The following EPHX2 variants were observed in gnomAD, a reference collection of about 807,000 sequenced individuals.
EPHX2 encodes the protein bifunctional epoxide hydrolase 2.
Under a neutral mutation model 78.7 loss-of-function variants are expected in EPHX2, and 74 were observed. The observed-to-expected ratio is 0.94, with a 90% CI of 0.78 to 1.14. EPHX2 has a LOEUF of 1.14. Among genes scored for constraint, EPHX2 ranks in the 50% most tolerant of loss-of-function variants. EPHX2 has a pLI of 0.00. For synonymous variants in EPHX2, 251 were observed against 255.2 expected (o/e 0.98, Z 0.16); for missense variants, 715 against 702.5 (o/e 1.02, Z -0.20).
chr8:27,508,395 T>A (rs931544789), intron 5 of EPHX2, among the ~76,000 whole-genome samples: 1 of 152,230 alleles, frequency 6.6e-6, no homozygotes, highest in African/African-American at 2.4e-5. Flanking sequence ...ACTGATTTTT[T>A]TGTCTTTAGT....
At chr8:27,498,449 A>C (rs1235562702) in intron 1 of EPHX2, among the ~76,000 whole-genome samples, 1 of 151,704 alleles carries the variant, frequency 6.6e-6, no homozygotes, top group Non-Finnish European at 1.5e-5. Context: ...CTTGTTTTAT[A>C]GATTCAGTGG....
intron 10 of EPHX2, among the ~76,000 whole-genome samples, chr8:27,521,470 A>C (rs941518717): frequency 6.6e-6 from 1 of 152,182 alleles, no homozygotes; most frequent in Non-Finnish European, 1.5e-5. Context: ...GAACAGCAGC[A>C]GTGGAGGACA....
At chr8:27,541,064 C>T (rs1203649725) in intron 15 of EPHX2, among the ~76,000 whole-genome samples, 2 of 152,196 alleles carry the variant, frequency 1.3e-5, no homozygotes, top group Non-Finnish European at 2.9e-5. Flanking sequence ...CTTTGCTCCA[C>T]CTCCCAATGT....
intron 1 of EPHX2, among the ~76,000 whole-genome samples, chr8:27,494,517 T>G (rs1184008332): frequency 6.6e-6 from 1 of 152,234 alleles, no homozygotes; most frequent in Non-Finnish European, 1.5e-5. Context: ...GGACAAGGCT[T>G]CATCCAATTT....
chr8:27,531,365 T>G (rs954040112), intron 12 of EPHX2, among the ~76,000 whole-genome samples: 1 of 152,162 alleles, frequency 6.6e-6, no homozygotes, highest in Non-Finnish European at 1.5e-5. Context: ...GCCTTCTAAG[T>G]CTTTGCTGTC....
At chr8:27,541,634 G>A in intron 16 of EPHX2, 92 bp downstream of exon 16, 4 of 1,380,716 alleles carry the variant, frequency 2.9e-6, no homozygotes, top group South Asian at 1.2e-5. Flanking sequence ...CTGGGCCAGA[G>A]CTGGTTGTGG....
At chr8:27,520,718 A>G (rs1295563795) in intron 9 of EPHX2, among the ~76,000 whole-genome samples, 165 bp from the exon 10 acceptor site, 2 of 152,022 alleles carry the variant, frequency 1.3e-5, no homozygotes, top group Non-Finnish European at 2.9e-5. Context: ...TTTTACCTTA[A>G]TCATCTCCTT....
chr8:27,503,683 A>G lies in EPHX2; in HGVS notation c.266A>G (p.Lys89Arg), dbSNP rs146918355. Residue 89 changes from lysine to arginine, a missense_variant, in exon 3 of 19, where the codon AAA (lysine) becomes AGA (arginine). By Grantham distance (26) the Lys-to-Arg change is conservative. Coordinates refer to ENST00000521400, the MANE Select transcript of EPHX2 (RefSeq NM_001979.6). The stretch of plus-strand genomic sequence containing the variant: ...TGCCTCCCCAAGAATTTCTCCATAA[A>G]AGAAATCTTTGACAAGGCGATTTCA... ...KVCLPKNFSI[K>R]EIFDKAISAR... The G allele has an allele frequency of 6.7e-4, 1,082 of 1,614,044 alleles. 15 individuals are homozygous for G. In the African/African-American group the frequency reaches 0.013, roughly 19 times the overall value.
chr8:27,533,527 C>G (rs1320084221), intron 12 of EPHX2, among the ~76,000 whole-genome samples: 1 of 152,198 alleles, frequency 6.6e-6, no homozygotes, highest in East Asian at 1.9e-4. Flanking sequence ...CAGCTTCATC[C>G]TATTCTTTCT....
intron 2 of EPHX2, 88 bp downstream of exon 2, chr8:27,501,098 GAAAACACCCACCTTTTCTGTGAAGAC>G: frequency 9.0e-7 from 1 of 1,106,914 alleles, no homozygotes; most frequent in Non-Finnish European, 1.3e-6. Context: ...CACCATAATA[GAAAACACCCACCTTTTCTGTGAAGAC>G]AAATGTTGTT....
chr8:27,525,508 T>G lies in EPHX2; in HGVS notation c.1170+35T>G, dbSNP rs767913812. The G allele has an allele frequency of 1.9e-6, 3 of 1,543,308 alleles. No homozygotes were observed. In the East Asian group the frequency reaches 6.7e-5, roughly 35 times the overall value. On this transcript the variant is annotated intron_variant, in intron 12 of 18. Coordinates refer to ENST00000521400, the MANE Select transcript of EPHX2 (RefSeq NM_001979.6). ...GCACCAAGGGCAACAATGGGAGCATTAGTGTTTGCCTTTCCCCTTCCTGTC... is the reference window on the plus strand; with the variant it reads ...GCACCAAGGGCAACAATGGGAGCATGAGTGTTTGCCTTTCCCCTTCCTGTC...
chr8:27,508,400 T>C (rs1298528577), intron 5 of EPHX2, among the ~76,000 whole-genome samples: 1 of 152,212 alleles, frequency 6.6e-6, no homozygotes, highest in East Asian at 1.9e-4. Context: ...TTTTTTTGTC[T>C]TTAGTGAATA....
Position 27,504,767 on chromosome 8 carries a change from T to C in EPHX2, c.347-189T>C, listed in dbSNP as rs554546069. 1.1e-4 allele frequency among the ~76,000 whole-genome samples: 17 copies of C among 152,326 alleles called. No homozygotes were observed. In the South Asian group the frequency reaches 1.4e-3, roughly 13 times the overall value. On this transcript the variant is annotated intron_variant, in intron 3 of 18. Coordinates refer to ENST00000521400, the MANE Select transcript of EPHX2 (RefSeq NM_001979.6). ...CTTGAATGAACCCAGCTCATGCTTG[T>C]GTCTGTGTCAGAGGTGTTCATGGGT...
chr8:27,514,439 C>G (rs767577840), intron 6 of EPHX2, among the ~76,000 whole-genome samples: 1 of 152,156 alleles, frequency 6.6e-6, no homozygotes, highest in African/African-American at 2.4e-5. Context: ...CCTTTAGGAT[C>G]GTGGAGATAT....
At chr8:27,525,907 T>C (rs916631756) in intron 12 of EPHX2, among the ~76,000 whole-genome samples, 2 of 152,132 alleles carry the variant, frequency 1.3e-5, no homozygotes, top group Non-Finnish European at 2.9e-5. Context: ...AAAGATGCCT[T>C]TCAAAGATGC....
chr8:27,494,557 T>C (rs1016950237), intron 1 of EPHX2, among the ~76,000 whole-genome samples: 3 of 152,214 alleles, frequency 2.0e-5, no homozygotes, highest in African/African-American at 7.2e-5. Context: ...CCAACAAGTA[T>C]TGAAATCCCC....
At chr8:27,543,357 C>T (rs1815470470) in intron 16 of EPHX2, among the ~76,000 whole-genome samples, 1 of 152,138 alleles carries the variant, frequency 6.6e-6, no homozygotes, top group African/African-American at 2.4e-5. Context: ...CCATTCATGT[C>T]ACATTGATTA....
chr8:27,500,140 G>T (rs1412907758), intron 1 of EPHX2, among the ~76,000 whole-genome samples: 2 of 152,152 alleles, frequency 1.3e-5, no homozygotes, highest in Non-Finnish European at 2.9e-5. Context: ...GGAGGAGGGG[G>T]TTGGTGGGAG....
intron 11 of EPHX2, among the ~76,000 whole-genome samples, chr8:27,523,935 GT>G (rs58934271): frequency 0.23 from 31,676 of 139,632 alleles, 3,724 homozygotes; most frequent in African/African-American, 0.37. Flanking sequence ...TTCTATTCCT[GT>G]TTTTTTTTTT....
Sources: allele counts gnomAD v4.1 joint callset (sites outside exome capture counted in the v4.1 genomes callset), GRCh38; gene constraint gnomAD v4.1.1; transcripts MANE v1.5; gene names NCBI Gene and HGNC (gene_info 2026-07-23, HGNC 2026-07-21).